The following DLGAP2 variants were observed in gnomAD, a reference collection of about 807,000 sequenced individuals.
DLGAP2 encodes the protein disks large-associated protein 2.
A neutral mutation model predicts 100.3 loss-of-function variants in DLGAP2; 26 were observed. That is an observed-to-expected ratio of 0.26 (90% confidence interval 0.19 to 0.36). The LOEUF is 0.36. Ranked by LOEUF, DLGAP2 falls within the 10% of genes least tolerant of loss-of-function variation. DLGAP2 has a pLI of 1.00. For synonymous variants in DLGAP2, 886 were observed against 630.1 expected (o/e 1.41, Z -6.08); for missense variants, 1,858 against 1,453.2 (o/e 1.28, Z -4.53).
At chr8:1,649,216 C>A (rs1443019967) in intron 8 of DLGAP2, among the ~76,000 whole-genome samples, 8 of 152,034 alleles carry the variant, frequency 5.3e-5, no homozygotes, top group Non-Finnish European at 1.0e-4. Flanking sequence ...AAAACCCAAC[C>A]AGTAAATTCT....
At chr8:1,194,452 G>T (rs1202968945) in intron 2 of DLGAP2, among the ~76,000 whole-genome samples, 2 of 152,128 alleles carry the variant, frequency 1.3e-5, no homozygotes. Flanking sequence ...GCCTCCAGGT[G>T]GGGAGGACGG....
intron 3 of DLGAP2, among the ~76,000 whole-genome samples, chr8:1,389,651 A>G (rs1036629314): frequency 5.3e-5 from 8 of 152,098 alleles, no homozygotes; most frequent in African/African-American, 1.9e-4. Flanking sequence ...CAGACCTCAG[A>G]TTGTGCAGAA....
chr8:836,509 C>T (rs531898454), intron 1 of DLGAP2, among the ~76,000 whole-genome samples: 56 of 152,308 alleles, frequency 3.7e-4, no homozygotes, highest in African/African-American at 1.3e-3. Flanking sequence ...GGCAAGCGTT[C>T]GAGGCCTGGC....
intron 2 of DLGAP2, among the ~76,000 whole-genome samples, chr8:1,123,095 G>A (rs1796087494): frequency 6.6e-6 from 1 of 152,160 alleles, no homozygotes; most frequent in Admixed American, 6.5e-5. Flanking sequence ...AAATCTTTCT[G>A]TCAAAATATC....
At chr8:1,622,838 T>A (rs1215102386) in intron 6 of DLGAP2, among the ~76,000 whole-genome samples, 1 of 152,190 alleles carries the variant, frequency 6.6e-6, no homozygotes, top group Non-Finnish European at 1.5e-5. Context: ...GAAAGTCAAC[T>A]TCAAAATGCC....
chr8:1,579,090 A>G (rs1169990789), intron 6 of DLGAP2, among the ~76,000 whole-genome samples: 2 of 152,222 alleles, frequency 1.3e-5, no homozygotes, highest in Non-Finnish European at 2.9e-5. Flanking sequence ...TTGTGATGAA[A>G]GGTAGACCAA....
At chr8:1,538,495 G>C (rs116215718) in intron 4 of DLGAP2, among the ~76,000 whole-genome samples, 1,623 of 152,294 alleles carry the variant, frequency 0.011, 35 homozygotes, top group African/African-American at 0.037. Context: ...TTCAGGCTCA[G>C]GGCTCAGACT....
In DLGAP2 at chr8:1,321,270, G is replaced by A. The variant is rs543862643; in HGVS notation, c.106+62387G>A. ...GTGCACGTGCATCTGTGCCATGTGC[G>A]TGTGCGTGCATCTGTGTGTCTCTGT... On this transcript the variant is annotated intron_variant, in intron 3 of 14. Transcript: ENST00000637795. 1.8e-3 allele frequency among the ~76,000 whole-genome samples: 275 copies of A among 152,046 alleles called. 1 individual carries two copies. The highest frequency in any genetic ancestry group is 6.2e-3 in the African/African-American group (259 of 41,458).
At chr8:1,230,735 T>C (rs1798518853) in intron 2 of DLGAP2, among the ~76,000 whole-genome samples, 1 of 152,006 alleles carries the variant, frequency 6.6e-6, no homozygotes, top group African/African-American at 2.4e-5. Flanking sequence ...TTTGACAAAG[T>C]TGACAAAAAT....
intron 3 of DLGAP2, among the ~76,000 whole-genome samples, chr8:1,281,927 C>T (rs925384282): frequency 6.6e-6 from 1 of 152,222 alleles, no homozygotes; most frequent in Admixed American, 6.5e-5. Context: ...TCAGTTATTG[C>T]CGATGAATGA....
intron 1 of DLGAP2, among the ~76,000 whole-genome samples, chr8:785,392 GGC>G (rs1821820298): frequency 6.7e-6 from 1 of 149,450 alleles, no homozygotes. Flanking sequence ...CTCTGAGACC[GGC>G]TTCTCTCCTC....
rs780634211 is a variant in DLGAP2 at position 1,182,947 on chromosome 8, C to G, written c.74-75904C>G. Reference sequence around the variant, plus strand: ...CCTGCGGTGGCATGGGTGGGAGACGCGCACCATGGAGCCGGTGGAAGGTAG... The same window carrying G: ...CCTGCGGTGGCATGGGTGGGAGACGGGCACCATGGAGCCGGTGGAAGGTAG... On this transcript the variant is annotated intron_variant, in intron 2 of 14. Transcript: ENST00000637795. Among the ~76,000 whole-genome samples, 8 of 152,224 alleles carry G rather than the reference C, an allele frequency of 5.3e-5. 1 individual carries two copies. Among genetic ancestry groups the G allele is most frequent in the Admixed American group, 3.3e-4 (5 of 15,298 alleles).
intron 1 of DLGAP2, among the ~76,000 whole-genome samples, chr8:787,515 C>T (rs1585862969): frequency 6.6e-6 from 1 of 152,338 alleles, no homozygotes; most frequent in East Asian, 1.9e-4. Flanking sequence ...ATTCCATGGA[C>T]CACTCAGGAT....
chr8:1,055,528 A>AT (rs1269019262), intron 2 of DLGAP2, among the ~76,000 whole-genome samples: 2 of 152,160 alleles, frequency 1.3e-5, no homozygotes, highest in African/African-American at 4.8e-5. Flanking sequence ...CTTATAAGAG[A>AT]TTTTACATGT....
At chr8:845,941 G>A (rs368487665) in intron 1 of DLGAP2, among the ~76,000 whole-genome samples, 1 of 152,140 alleles carries the variant, frequency 6.6e-6, no homozygotes, top group Non-Finnish European at 1.5e-5. Context: ...AATTGTCTTG[G>A]CACCCTTGTC....
At chr8:1,683,940 A>C (rs187062648) in intron 12 of DLGAP2, among the ~76,000 whole-genome samples, 1 of 65,560 alleles carries the variant, frequency 1.5e-5, no homozygotes, top group Non-Finnish European at 2.6e-5. Context: ...ATATATGTGT[A>C]TATATATATG....
At chr8:1,041,251 A>G (rs1371094605) in intron 2 of DLGAP2, among the ~76,000 whole-genome samples, 1 of 152,222 alleles carries the variant, frequency 6.6e-6, no homozygotes, top group Non-Finnish European at 1.5e-5. Flanking sequence ...TGGCGATCTT[A>G]TGTTAACAGT....
chr8:947,904 A>C (rs1799369387), intron 2 of DLGAP2, among the ~76,000 whole-genome samples: 1 of 120,350 alleles, frequency 8.3e-6, no homozygotes, highest in Non-Finnish European at 1.7e-5. Context: ...CCATGGCCCC[A>C]CCGAACCCGT....
At chr8:1,506,723 T>C (rs1799933501) in intron 4 of DLGAP2, among the ~76,000 whole-genome samples, 1 of 152,200 alleles carries the variant, frequency 6.6e-6, no homozygotes, top group Admixed American at 6.5e-5. Flanking sequence ...AAAGAGCTGA[T>C]TGGTCTGTTT....
Sources: allele counts gnomAD v4.1 joint callset (sites outside exome capture counted in the v4.1 genomes callset), GRCh38; gene constraint gnomAD v4.1.1; transcripts MANE v1.5; gene names NCBI Gene and HGNC (gene_info 2026-07-23, HGNC 2026-07-21).